Variants in CLNK observed in about 807,000 individuals in gnomAD.
CLNK encodes the protein cytokine dependent hematopoietic cell linker.
Under a neutral mutation model 68.6 loss-of-function variants are expected in CLNK, and 74 were observed. The observed-to-expected ratio is 1.08, with a 90% CI of 0.89 to 1.31. The LOEUF (loss-of-function observed/expected upper bound fraction) is 1.31. Ranked by LOEUF, CLNK falls within the 50% of genes most tolerant of loss-of-function variation. The pLI is 0.00. For missense variants in CLNK, 553 were observed against 515.3 expected, an observed-to-expected ratio of 1.07 and a Z score of -0.71; for synonymous variants, 198 against 172.2, an observed-to-expected ratio of 1.15 and a Z score of -1.17.
Position 10,683,637 on chromosome 4 carries a change from A to C in CLNK, c.-43+1031T>G, listed in dbSNP as rs146318485. Among the ~76,000 whole-genome samples, 985 of 152,318 alleles carry C rather than the reference A, an allele frequency of 6.5e-3. 7 individuals are homozygous for C. Among genetic ancestry groups the C allele is most frequent in the African/African-American group, 0.022 (916 of 41,562 alleles). ...CAGCTCTCTAGGTCAGCAGGAGCTG[A>C]AGGTAAGTAAATGCCAGTTGCCATT... On this transcript the variant is annotated intron_variant, in intron 1 of 18. Coordinates refer to ENST00000226951, the MANE Select transcript of CLNK (RefSeq NM_052964.4).
At chr4:10,610,217 C>T (rs369202616) in intron 2 of CLNK, among the ~76,000 whole-genome samples, 4 of 150,660 alleles carry the variant, frequency 2.7e-5, no homozygotes, top group South Asian at 2.1e-4. Context: ...CCACTGCGCC[C>T]GGCTAATTTT....
At chr4:10,633,654 C>A (rs1346702074) in intron 2 of CLNK, among the ~76,000 whole-genome samples, 1 of 152,190 alleles carries the variant, frequency 6.6e-6, no homozygotes, top group Admixed American at 6.5e-5. Context: ...TTCTGTCATC[C>A]TTGTACTTCA....
the CLNK span, among the ~76,000 whole-genome samples, chr4:10,714,753 A>G: frequency 6.6e-6 from 1 of 150,794 alleles, no homozygotes; most frequent in South Asian, 2.1e-4. Context: ...CATGACTTTA[A>G]GTTAAATATT....
rs371623914 is a variant in CLNK at position 10,501,430 on chromosome 4, C to G, written c.985-19G>C. On this transcript the variant is annotated intron_variant, in intron 17 of 18. Coordinates refer to ENST00000226951, the MANE Select transcript of CLNK (RefSeq NM_052964.4). The stretch of plus-strand genomic sequence containing the variant: ...TACCATCCTGAAGCAAAAAGAGTAA[C>G]AGTCATCTTTTCAGACACGCCAGCA... 6 of 1,602,936 alleles carry G rather than the reference C, an allele frequency of 3.7e-6. No homozygotes were observed. Among genetic ancestry groups the G allele is most frequent in the Non-Finnish European group, 5.1e-6 (6 of 1,176,472 alleles).
chr4:10,511,352 T>G (rs766590615), intron 16 of CLNK, among the ~76,000 whole-genome samples: 2 of 152,188 alleles, frequency 1.3e-5, no homozygotes, highest in Non-Finnish European at 2.9e-5. Flanking sequence ...ATTTGACTCT[T>G]TTCGGCAATA....
the CLNK span, among the ~76,000 whole-genome samples, chr4:10,723,224 G>A: frequency 6.6e-6 from 1 of 152,166 alleles, no homozygotes; most frequent in Non-Finnish European, 1.5e-5. Context: ...CTTGGGCATA[G>A]AAAGTTGGGG....
intron 8 of CLNK, among the ~76,000 whole-genome samples, chr4:10,547,825 T>C (rs1444870431): frequency 2.0e-5 from 3 of 152,314 alleles, no homozygotes; most frequent in Middle Eastern, 3.4e-3. Context: ...AAAAATTTCC[T>C]TCCCCTTAAG....
Position 10,525,569 on chromosome 4 carries a change from A to G in CLNK, c.731+272T>C, listed in dbSNP as rs545452373. Among the ~76,000 whole-genome samples the G allele has an allele frequency of 9.8e-5, 15 of 152,362 alleles. No individual in the cohort carries two copies. In the South Asian group the frequency reaches 3.1e-3, roughly 32 times the overall value. On this transcript the variant is annotated intron_variant, in intron 14 of 18. Coordinates refer to ENST00000226951, the MANE Select transcript of CLNK (RefSeq NM_052964.4). The stretch of plus-strand genomic sequence containing the variant: ...AACTTTTCCTCCCAGGTTGATTAGC[A>G]TCTTTTCCCGTTAATCCTATCTGGT...
chr4:10,616,520 C>G (rs1400899510), intron 2 of CLNK, among the ~76,000 whole-genome samples: 1 of 152,072 alleles, frequency 6.6e-6, no homozygotes, highest in African/African-American at 2.4e-5. Flanking sequence ...CTTTGTTGTT[C>G]CACTTTTGTT....
chr4:10,709,425 T>A, the CLNK span, among the ~76,000 whole-genome samples: 1 of 152,302 alleles, frequency 6.6e-6, no homozygotes, highest in African/African-American at 2.4e-5. Context: ...AGACAAAGTC[T>A]CGTGGAAGTT....
At chr4:10,680,328 G>T (rs1725047402) in intron 1 of CLNK, among the ~76,000 whole-genome samples, 1 of 145,918 alleles carries the variant, frequency 6.9e-6, no homozygotes, top group Admixed American at 7.0e-5. Flanking sequence ...GAGAACACAT[G>T]GACGCAGGAA....
At chr4:10,535,192 TA>T (rs1013146527) in intron 11 of CLNK, among the ~76,000 whole-genome samples, 50 of 66,922 alleles carry the variant, frequency 7.5e-4, no homozygotes, top group Non-Finnish European at 1.2e-3. Context: ...TGTCTCTACT[TA>T]AAAAAAAGAA....
At chr4:10,664,209 T>C (rs1724305986) in intron 2 of CLNK, among the ~76,000 whole-genome samples, 1 of 137,694 alleles carries the variant, frequency 7.3e-6, no homozygotes, top group South Asian at 2.5e-4. Flanking sequence ...GTAGATTACA[T>C]TCAGTTGAGC....
rs114909462 is a variant in CLNK at position 10,600,401 on chromosome 4, G to A, written c.12-2352C>T. On this transcript the variant is annotated intron_variant, in intron 2 of 18. Transcript: ENST00000226951. ...TTGGGTTTATTCCATACTAGGCAACGCACTAGGTAATAGGGTATAGTAATT... is the reference window on the plus strand; with the variant it reads ...TTGGGTTTATTCCATACTAGGCAACACACTAGGTAATAGGGTATAGTAATT... Among the ~76,000 whole-genome samples the A allele has an allele frequency of 2.6e-3, 392 of 152,232 alleles. 1 individual carries two copies. The highest frequency in any genetic ancestry group is 8.5e-3 in the African/African-American group (355 of 41,530).
chr4:10,689,277 G>A (rs1725379585), upstream of CLNK, among the ~76,000 whole-genome samples: 1 of 151,944 alleles, frequency 6.6e-6, no homozygotes, highest in African/African-American at 2.4e-5. Flanking sequence ...TGGGACTGCA[G>A]GCACAAGACA....
the CLNK span, among the ~76,000 whole-genome samples, chr4:10,729,301 T>C: frequency 1.0e-3 from 154 of 152,304 alleles, no homozygotes; most frequent in Middle Eastern, 0.014. Context: ...AGGGAAGTCT[T>C]ATATACTGTT....
At chr4:10,512,919 G>A (rs549138692) in intron 16 of CLNK, among the ~76,000 whole-genome samples, 158 of 152,034 alleles carry the variant, frequency 1.0e-3, no homozygotes, top group African/African-American at 3.5e-3. Context: ...TTTAGAAAGA[G>A]ACCACAAAAT....
intron 15 of CLNK, among the ~76,000 whole-genome samples, chr4:10,520,519 G>GCAA (rs1718014529): frequency 6.6e-6 from 1 of 152,178 alleles, no homozygotes; most frequent in Admixed American, 6.5e-5. Flanking sequence ...GTCTTATGAA[G>GCAA]GGAAATGATC....
chr4:10,708,396 T>C, the CLNK span, among the ~76,000 whole-genome samples: 43 of 152,326 alleles, frequency 2.8e-4, no homozygotes, highest in East Asian at 7.9e-3. Flanking sequence ...TTTTTTTTTC[T>C]ATTTTACAAA....
Sources: allele counts gnomAD v4.1 joint callset (sites outside exome capture counted in the v4.1 genomes callset), GRCh38; gene constraint gnomAD v4.1.1; transcripts MANE v1.5; gene names NCBI Gene and HGNC (gene_info 2026-07-23, HGNC 2026-07-21).